EFCAB6: variants seen among roughly 807,000 people sequenced by gnomAD.
The protein encoded by EFCAB6 is EF-hand calcium-binding domain-containing protein 6.
Under a neutral mutation model 169.8 loss-of-function variants are expected in EFCAB6, and 156 were observed. That is an observed-to-expected ratio of 0.92 (90% CI 0.81 to 1.05). EFCAB6 has a LOEUF of 1.05. Ranked by LOEUF, EFCAB6 falls within the 50% of genes least tolerant of loss-of-function variation. The probability of loss-of-function intolerance (pLI) is 0.00; values close to 1 mark genes in which losing one functional copy is unlikely to be tolerated. For missense variants in EFCAB6, 1,800 were observed against 1,829.1 expected (o/e 0.98, Z 0.29); for synonymous variants, 698 against 676.4 (o/e 1.03, Z -0.50).
chr22:43,744,295 A>C lies in EFCAB6; in HGVS notation c.508-8302T>G, dbSNP rs1238164622. 6.6e-6 allele frequency among the ~76,000 whole-genome samples: 1 copy of C among 152,064 alleles called. No individual in the cohort carries two copies. Among genetic ancestry groups the C allele is most frequent in the East Asian group, 1.9e-4 (1 of 5,186 alleles). On this transcript the variant is annotated intron_variant, in intron 6 of 31. Coordinates refer to ENST00000262726, the MANE Select transcript of EFCAB6 (RefSeq NM_022785.4). The surrounding 1 kb of genome is among the most constrained non-coding windows in gnomAD (Gnocchi z 4.3). ...GTGGGTGGGTAGGTGGGGAGATTGC[A>C]AGCCAAGACAATCCTTGTAGAGACA... is the stretch of plus-strand genomic sequence containing the variant.
chr22:43,721,268 G>C (rs1220980646), intron 8 of EFCAB6, among the ~76,000 whole-genome samples: 1 of 152,178 alleles, frequency 6.6e-6, no homozygotes, highest in African/African-American at 2.4e-5. Flanking sequence ...CTTACGGATT[G>C]AAAGAATCAG....
chr22:43,675,338 AATAT>A (rs2057687230), intron 13 of EFCAB6, among the ~76,000 whole-genome samples: 1 of 40,898 alleles, frequency 2.4e-5, no homozygotes, highest in Non-Finnish European at 6.1e-5. Context: ...TATATAATAT[AATAT>A]ACTATATTAT....
At chr22:43,581,805 C>T (rs6006492) in intron 24 of EFCAB6, among the ~76,000 whole-genome samples, 4,774 of 152,234 alleles carry the variant, frequency 0.031, 229 homozygotes, top group African/African-American at 0.11. Flanking sequence ...GGCTCTGCGT[C>T]GGGTCGGCTT....
At chr22:43,557,168 G>A (rs575368291) in intron 26 of EFCAB6, among the ~76,000 whole-genome samples, 1 of 152,274 alleles carries the variant, frequency 6.6e-6, no homozygotes, top group South Asian at 2.1e-4. Context: ...ACCCGGCTGT[G>A]TGCCCCTCCA....
At position 43,745,730 on chromosome 22, in the gene EFCAB6, A is replaced by G. The variant is rs189348673; in HGVS notation, c.508-9737T>C. Among the ~76,000 whole-genome samples, 8 of 152,308 alleles carry G rather than the reference A, an allele frequency of 5.3e-5. No individual in the cohort carries two copies. The East Asian group carries it at 1.4e-3, about 26-fold the overall frequency. ...GATTTCTCTTACAATAAACACATCA[A>G]TGCTCATTTTCCTTATTATTCTACT... On this transcript the variant is annotated intron_variant, in intron 6 of 31. Coordinates refer to ENST00000262726, the MANE Select transcript of EFCAB6 (RefSeq NM_022785.4).
intron 2 of EFCAB6, among the ~76,000 whole-genome samples, chr22:43,787,362 AC>A: frequency 6.6e-6 from 1 of 151,314 alleles, no homozygotes; most frequent in Non-Finnish European, 1.5e-5. Flanking sequence ...GCACACACAC[AC>A]ACACACACAC....
intron 2 of EFCAB6, among the ~76,000 whole-genome samples, chr22:43,784,668 TAC>T (rs1491040420): frequency 8.4e-4 from 58 of 68,768 alleles, no homozygotes; most frequent in African/African-American, 3.0e-3. Context: ...TATATACATA[TAC>T]ATATATACAC....
At chr22:43,809,853 G>A (rs758470042) in intron 1 of EFCAB6, among the ~76,000 whole-genome samples, 1 of 151,498 alleles carries the variant, frequency 6.6e-6, no homozygotes, top group Non-Finnish European at 1.5e-5. Flanking sequence ...TGATCCAACC[G>A]CCTCGGCCTC....
chr22:43,589,280 C>CAAAAAAAAAAAA (rs1163346832), intron 24 of EFCAB6, among the ~76,000 whole-genome samples: 11 of 80,932 alleles, frequency 1.4e-4, no homozygotes, highest in African/African-American at 3.0e-4. Flanking sequence ...GACTTCATGT[C>CAAAAAAAAAAAA]AAAAAAAAAA....
intron 6 of EFCAB6, among the ~76,000 whole-genome samples, chr22:43,737,830 TACTCAC>T (rs2060210242): frequency 7.5e-6 from 1 of 132,700 alleles, no homozygotes; most frequent in Non-Finnish European, 1.6e-5. Context: ...CTCACACCAT[TACTCAC>T]ACACATATAT....
chr22:43,579,072 C>A (rs367660183), intron 25 of EFCAB6, among the ~76,000 whole-genome samples: 1,377 of 58,580 alleles, frequency 0.024, no homozygotes, highest in Middle Eastern at 0.071. Context: ...ACATGCAGGC[C>A]TCATTCCCTA....
chr22:43,763,199 C>G (rs2061222891), intron 5 of EFCAB6, among the ~76,000 whole-genome samples: 1 of 152,048 alleles, frequency 6.6e-6, no homozygotes, highest in Non-Finnish European at 1.5e-5. Context: ...CCACCACACC[C>G]AACTAATTTT....
chr22:43,662,655 G>A (rs113384203), intron 17 of EFCAB6, among the ~76,000 whole-genome samples: 5 of 150,740 alleles, frequency 3.3e-5, no homozygotes, highest in African/African-American at 1.2e-4. Flanking sequence ...AAAAGGACAG[G>A]AAGAATTAAA....
chr22:43,547,763 A>C (rs1463076120), intron 27 of EFCAB6, among the ~76,000 whole-genome samples: 4 of 150,928 alleles, frequency 2.7e-5, no homozygotes, highest in East Asian at 2.0e-4. Flanking sequence ...AAAAAAAAAA[A>C]ACATAATCCA....
chr22:43,586,360 T>TTTTTTTTTTC (rs2051069064), intron 24 of EFCAB6, among the ~76,000 whole-genome samples: 1 of 146,678 alleles, frequency 6.8e-6, no homozygotes, highest in Non-Finnish European at 1.5e-5. Flanking sequence ...TTTTTTTTTT[T>TTTTTTTTTTC]TTTTTTGTGA....
chr22:43,751,593 T>G, intron 6 of EFCAB6, among the ~76,000 whole-genome samples: 1 of 151,712 alleles, frequency 6.6e-6, no homozygotes. Flanking sequence ...GTGGAGGAAG[T>G]GTGAAAGGCA....
At chr22:43,809,213 T>A (rs1377322139) in intron 1 of EFCAB6, 82 bp from the exon 2 acceptor site, 3 of 152,190 alleles carry the variant, frequency 2.0e-5, no homozygotes, top group Non-Finnish European at 2.9e-5. Flanking sequence ...GAAAAAAAAA[T>A]AAATTTTATT....
intron 17 of EFCAB6, among the ~76,000 whole-genome samples, chr22:43,649,937 A>C (rs2056384194): frequency 6.6e-6 from 1 of 152,208 alleles, no homozygotes; most frequent in Non-Finnish European, 1.5e-5. Context: ...GAGACAACAA[A>C]AGGAGAGACC....
intron 12 of EFCAB6, among the ~76,000 whole-genome samples, chr22:43,679,691 G>A (rs1438761004): frequency 2.6e-5 from 4 of 152,184 alleles, no homozygotes; most frequent in Non-Finnish European, 1.5e-5. Flanking sequence ...AGGGTGAGAA[G>A]TGGTATCTCG....
Sources: allele counts gnomAD v4.1 joint callset (sites outside exome capture counted in the v4.1 genomes callset), GRCh38; gene constraint gnomAD v4.1.1; non-coding constraint Gnocchi (gnomAD v3.1); transcripts MANE v1.5; gene names NCBI Gene and HGNC (gene_info 2026-07-23, HGNC 2026-07-21).